TBCD: variants seen among roughly 807,000 people sequenced by gnomAD.
The protein encoded by TBCD is tubulin folding cofactor D, also known as tubulin-specific chaperone D.
Under a neutral mutation model 169.3 loss-of-function variants are expected in TBCD, and 105 were observed. That is an observed-to-expected ratio of 0.62 (90% confidence interval 0.53 to 0.73). TBCD has a LOEUF of 0.73. Ranked by LOEUF, TBCD falls within the 30% of genes least tolerant of loss-of-function variation. The pLI, the probability that TBCD is intolerant of heterozygous loss-of-function variation, is 0.00. For missense variants in TBCD, 1,444 were observed against 1,600.1 expected, an observed-to-expected ratio of 0.90 and a Z score of 1.66; for synonymous variants, 700 against 643.9, an observed-to-expected ratio of 1.09 and a Z score of -1.32.
Position 82,782,718 on chromosome 17 carries a change from C to T in TBCD, c.771+997C>T, listed in dbSNP as rs2049028113. ...CACGGCGTCCTCCTGTCCGTGGCGT[C>T]GTCCTCCTGTCCGCAGCATCGTCTT... On this transcript the variant is annotated intron_variant, in intron 7 of 38. Transcript: ENST00000355528. This position sits in a 1 kb window ranked among gnomAD's most constrained non-coding sequence, Gnocchi z 5.1. Among the ~76,000 whole-genome samples, 2 of 152,010 alleles carry T rather than the reference C, an allele frequency of 1.3e-5. No individual in the cohort carries two copies. The highest frequency in any genetic ancestry group is 6.6e-5 in the Admixed American group (1 of 15,264).
rs1003314043 is a variant in TBCD, at chr17:82,835,510, C to T, written c.1318+20576C>T. Among the ~76,000 whole-genome samples, 1 of 152,118 alleles carries T rather than the reference C, an allele frequency of 6.6e-6. No homozygotes were observed. The highest frequency in any genetic ancestry group is 2.4e-5 in the African/African-American group (1 of 41,398). The stretch of plus-strand genomic sequence containing the variant: ...CGATCTCGGTTCACTGCAACCTCTG[C>T]CTCCTGGGTTCAAGAGATTCTCCTG... On this transcript the variant is annotated intron_variant, in intron 13 of 38. Coordinates refer to ENST00000355528, the MANE Select transcript of TBCD (RefSeq NM_005993.5). This position sits in a 1 kb window ranked among gnomAD's most constrained non-coding sequence, Gnocchi z 4.5.
Position 82,889,828 on chromosome 17 carries a change from T to C in TBCD, c.1563+131T>C. The C allele has an allele frequency of 2.9e-6, 3 of 1,043,474 alleles. No individual in the cohort carries two copies. The highest frequency in any genetic ancestry group is 2.8e-6 in the Non-Finnish European group (2 of 709,628). The allele number at this position is 1,043,474 out of a possible 1,614,324, so 64.6% of individuals were successfully genotyped here. ...TGTGGCTACATCAATGCCAGGGTCA[T>C]GAGTTCACTATAGGACGCACATGTT... On this transcript the variant is annotated intron_variant, in intron 16 of 38. Coordinates refer to ENST00000355528, the MANE Select transcript of TBCD (RefSeq NM_005993.5). The surrounding 1 kb of genome is among the most constrained non-coding windows in gnomAD (Gnocchi z 5.3).
At chr17:82,792,965 G>A (rs948931085) in intron 7 of TBCD, among the ~76,000 whole-genome samples, 1 of 152,068 alleles carries the variant, frequency 6.6e-6, no homozygotes, top group Non-Finnish European at 1.5e-5. Flanking sequence ...GTCTTGCCAT[G>A]TTGTCCGGGC....
At chr17:82,824,066 C>A (rs1042272082) in intron 13 of TBCD, among the ~76,000 whole-genome samples, 3 of 151,958 alleles carry the variant, frequency 2.0e-5, no homozygotes, top group African/African-American at 7.3e-5. Flanking sequence ...TATTTAGCAT[C>A]ATGTTTTCAA....
At chr17:82,939,528 TC>T in intron 37 of TBCD, 52 bp downstream of exon 37, 4 of 1,416,518 alleles carry the variant, frequency 2.8e-6, no homozygotes, top group Non-Finnish European at 3.9e-6. Context: ...CCGCCCCTCT[TC>T]CTGTCCCCAC....
In TBCD at chr17:82,853,437, C is replaced by T. The variant is rs1277088549; in HGVS notation, c.1319-16787C>T. 2.6e-5 allele frequency among the ~76,000 whole-genome samples: 4 copies of T among 151,520 alleles called. No individual in the cohort carries two copies. In the East Asian group the frequency reaches 7.7e-4, roughly 29 times the overall value. On this transcript the variant is annotated intron_variant, in intron 13 of 38. Transcript: ENST00000355528. Reference sequence around the variant, plus strand: ...TCTGTTTTTGAGTCAGGGTCTTGCTCTGTTGCCCAGGCTGGAGTGCAGTGG... The same window carrying T: ...TCTGTTTTTGAGTCAGGGTCTTGCTTTGTTGCCCAGGCTGGAGTGCAGTGG...
intron 13 of TBCD, chr17:82,859,802 C>A: frequency 1.0e-6 from 1 of 985,456 alleles, no homozygotes; most frequent in Non-Finnish European, 1.2e-6. Context: ...CCTGCCTGTT[C>A]ATGGCAGTGA....
At chr17:82,939,310 C>A in intron 36 of TBCD, 57 bp from the exon 37 acceptor site, 2 of 1,434,716 alleles carry the variant, frequency 1.4e-6, no homozygotes, top group Non-Finnish European at 9.6e-7. Flanking sequence ...CCTGTCGTCT[C>A]TCCGGGGTGG....
intron 34 of TBCD, among the ~76,000 whole-genome samples, chr17:82,933,273 CTTTTTTTTT>C (rs10639851): frequency 7.2e-4 from 83 of 114,628 alleles, no homozygotes; most frequent in African/African-American, 2.1e-3. Context: ...TTGGGCCAGT[CTTTTTTTTT>C]TTTTTTTTTT....
At chr17:82,772,147 T>C (rs1568109816) in intron 5 of TBCD, among the ~76,000 whole-genome samples, 1 of 152,170 alleles carries the variant, frequency 6.6e-6, no homozygotes, top group Non-Finnish European at 1.5e-5. Context: ...TTTGTTACAA[T>C]TGGGTAACTC....
chr17:82,830,893 A>G (rs1217309575), intron 13 of TBCD: 1 of 1,612,830 alleles, frequency 6.2e-7, no homozygotes, highest in South Asian at 1.1e-5. Context: ...AGAAGCCAAG[A>G]AAAAGCTTAG....
intron 13 of TBCD, among the ~76,000 whole-genome samples, chr17:82,851,515 C>T (rs1391198111): frequency 6.6e-6 from 1 of 152,116 alleles, no homozygotes; most frequent in African/African-American, 2.4e-5. Context: ...TGCATGTGGC[C>T]CACAGGGCCC....
chr17:82,938,337 G>C (rs2062811522), intron 36 of TBCD, among the ~76,000 whole-genome samples: 1 of 152,236 alleles, frequency 6.6e-6, no homozygotes, highest in East Asian at 1.9e-4. Flanking sequence ...AGGACGGGCT[G>C]TCCGGCTGGC....
At chr17:82,908,664 G>A (rs932864651) in intron 21 of TBCD, among the ~76,000 whole-genome samples, 5 of 152,270 alleles carry the variant, frequency 3.3e-5, no homozygotes, top group Admixed American at 1.3e-4. Context: ...CCCTCTGACC[G>A]AGACAAGCAT....
chr17:82,933,831 T>A (rs1001877218), intron 34 of TBCD, among the ~76,000 whole-genome samples: 1 of 152,082 alleles, frequency 6.6e-6, no homozygotes, highest in Admixed American at 6.5e-5. Flanking sequence ...CAGGCTGGTC[T>A]CGAACTCCTG....
In TBCD at chr17:82,941,468, C is replaced by G; in HGVS notation, c.3549C>G (p.Pro1183=). 6.3e-7 allele frequency: 1 copy of G among 1,598,278 alleles called. No individual in the cohort carries two copies. Among genetic ancestry groups the G allele is most frequent in the Non-Finnish European group, 8.5e-7 (1 of 1,173,600 alleles). Residue 1183 remains proline, a synonymous_variant, in exon 38 of 39, where the codon CCC becomes CCG. Coordinates refer to ENST00000355528, the MANE Select transcript of TBCD (RefSeq NM_005993.5). ...GTGACCTTCTGGGCGTACCCAGGCC[C>G]CAGCTGGTGCCCCAGGTAACCCTGT... The part of the protein sequence containing the change: ...RLCDLLGVPR[P]QLVPQPGAC
intron 6 of TBCD, among the ~76,000 whole-genome samples, chr17:82,781,354 T>C (rs1598460706): frequency 6.9e-6 from 1 of 145,916 alleles, no homozygotes; most frequent in Non-Finnish European, 1.5e-5. Context: ...ACCTGAGAGG[T>C]TGTGGTGGGG....
rs569217231 is a variant in TBCD at position 82,903,683 on chromosome 17, C to T, written c.1804+205C>T. On this transcript the variant is annotated intron_variant, in intron 19 of 38. Coordinates refer to ENST00000355528, the MANE Select transcript of TBCD (RefSeq NM_005993.5). This position sits in a 1 kb window ranked among gnomAD's most constrained non-coding sequence, Gnocchi z 4.8. ...TGTGTCCGCCTGCAGGGCAGGGAGC[C>T]GCTGAACTGTGTTACGTACACCGGA... 1.1e-4 allele frequency among the ~76,000 whole-genome samples: 16 copies of T among 152,308 alleles called. No homozygotes were observed. The South Asian group carries it at 2.3e-3, about 22-fold the overall frequency.
At chr17:82,805,554 G>A (rs984836944) in intron 9 of TBCD, among the ~76,000 whole-genome samples, 16 of 152,292 alleles carry the variant, frequency 1.1e-4, no homozygotes, top group Non-Finnish European at 1.5e-5. Flanking sequence ...CGAAGGCCGG[G>A]TGCTTCCCCA....
Sources: gnomAD v4.1 joint callset for allele counts (sites outside exome capture counted in the v4.1 genomes callset) on GRCh38, gnomAD v4.1.1 for gene constraint, Gnocchi (gnomAD v3.1) non-coding constraint, MANE v1.5 for transcripts, NCBI Gene and HGNC (gene_info 2026-07-23, HGNC 2026-07-21) for gene names.